The following GRK3 variants were observed in gnomAD, a reference collection of about 807,000 sequenced individuals.
GRK3 encodes the protein G protein-coupled receptor kinase 3.
A neutral mutation model predicts 95.7 loss-of-function variants in GRK3; 54 were observed. That is an observed-to-expected ratio of 0.56 (90% CI 0.45 to 0.71). GRK3 has a LOEUF of 0.71. Among genes scored for constraint, GRK3 ranks in the 30% least tolerant of loss-of-function variants. The pLI, the probability that GRK3 is intolerant of heterozygous loss-of-function variation, is 0.00. For missense variants in GRK3, 649 were observed against 851.2 expected, an observed-to-expected ratio of 0.76 and a Z score of 2.96; for synonymous variants, 281 against 290.8, an observed-to-expected ratio of 0.97 and a Z score of 0.34.
intron 17 of GRK3, among the ~76,000 whole-genome samples, chr22:25,713,100 G>T (rs917114484): frequency 6.6e-6 from 1 of 152,182 alleles, no homozygotes; most frequent in African/African-American, 2.4e-5. Context: ...AATTATAGGC[G>T]GTAGAACAGT....
intron 5 of GRK3, among the ~76,000 whole-genome samples, chr22:25,665,394 G>A (rs1348935192): frequency 6.6e-6 from 1 of 152,002 alleles, no homozygotes; most frequent in Non-Finnish European, 1.5e-5. Flanking sequence ...TAATACATGG[G>A]TTTTACAAAT....
At chr22:25,611,188 A>G (rs532052542) in intron 2 of GRK3, among the ~76,000 whole-genome samples, 1 of 152,328 alleles carries the variant, frequency 6.6e-6, no homozygotes, top group East Asian at 1.9e-4. Context: ...TTCATTCAGC[A>G]GTTGATGGGC....
At chr22:25,637,209 C>T (rs2084708626) in intron 2 of GRK3, among the ~76,000 whole-genome samples, 1 of 152,194 alleles carries the variant, frequency 6.6e-6, no homozygotes, top group Admixed American at 6.5e-5. Context: ...GACCTTTGGC[C>T]TTGGCTTGGG....
chr22:25,574,616 A>G lies in GRK3; in HGVS notation c.113+9463A>G, dbSNP rs1931825104. ...AAGGCCGTGATGGTATTTTGGAAAC[A>G]TCTTTTTTAAAAAATATGAGGTATT... is the stretch of plus-strand genomic sequence containing the variant. On this transcript the variant is annotated intron_variant, in intron 1 of 20. Coordinates refer to ENST00000324198, the MANE Select transcript of GRK3 (RefSeq NM_005160.4). Among the ~76,000 whole-genome samples, 4 of 152,346 alleles carry G rather than the reference A, an allele frequency of 2.6e-5. No individual in the cohort carries two copies. In the South Asian group the frequency reaches 8.3e-4, roughly 32 times the overall value.
intron 12 of GRK3, among the ~76,000 whole-genome samples, chr22:25,694,326 G>A (rs558188942): frequency 9.2e-5 from 14 of 152,268 alleles, no homozygotes; most frequent in Admixed American, 5.9e-4. Context: ...GTTCCCCACC[G>A]GCTGCCTCGC....
At position 25,727,095 on chromosome 22, in the gene GRK3, T is replaced by C. The variant is rs1195178478; in HGVS notation, c.*4645T>C. On this transcript the variant is annotated 3_prime_UTR_variant, in exon 21 of 21. Transcript: ENST00000324198. ...CAAGAGTAACAGGCCTCTTCTGTTC[T>C]ACCCTGCTCACTTCCACGGTGAGTT... is the stretch of plus-strand genomic sequence containing the variant. The C allele has an allele frequency of 6.6e-6, 1 of 152,158 alleles. No homozygotes were observed. Among genetic ancestry groups the C allele is most frequent in the African/African-American group, 2.4e-5 (1 of 41,422 alleles). 9.4% of individuals were successfully genotyped at this position (152,158 alleles called of 1,614,324 possible).
chr22:25,648,191 C>A, intron 3 of GRK3: 1 of 736,450 alleles, frequency 1.4e-6, no homozygotes, highest in Non-Finnish European at 2.5e-6. Context: ...CTTATTCCCT[C>A]TCTATTCGTG....
At chr22:25,719,844 T>C (rs2085417603) in intron 19 of GRK3, among the ~76,000 whole-genome samples, 2 of 152,344 alleles carry the variant, frequency 1.3e-5, no homozygotes, top group South Asian at 4.1e-4. Context: ...AAATCTCATG[T>C]ATTTGACTTT....
intron 18 of GRK3, among the ~76,000 whole-genome samples, chr22:25,716,236 C>T (rs980756364): frequency 2.0e-5 from 3 of 152,178 alleles, no homozygotes; most frequent in Non-Finnish European, 4.4e-5. Flanking sequence ...GATCCGCCTG[C>T]CTTGGCCTCC....
At chr22:25,675,344 T>A (rs970926356) in intron 8 of GRK3, among the ~76,000 whole-genome samples, 2 of 152,184 alleles carry the variant, frequency 1.3e-5, no homozygotes, top group Admixed American at 6.5e-5. Flanking sequence ...GCTCCATCAC[T>A]CACCTTGGTT....
intron 1 of GRK3, among the ~76,000 whole-genome samples, chr22:25,593,363 C>A (rs959629263): frequency 7.3e-5 from 11 of 151,654 alleles, no homozygotes; most frequent in African/African-American, 2.4e-4. Context: ...CTTTTCTTTT[C>A]TTTTCTTTCT....
At position 25,628,310 on chromosome 22, in the gene GRK3, A is replaced by G. The variant is rs546280694; in HGVS notation, c.191-16282A>G. Among the ~76,000 whole-genome samples, 8 of 151,630 alleles carry G rather than the reference A, an allele frequency of 5.3e-5. No homozygotes were observed. In the East Asian group the frequency reaches 5.8e-4, roughly 11 times the overall value. On this transcript the variant is annotated intron_variant, in intron 2 of 20. Transcript: ENST00000324198. ...GTGTGGCCATGTCTATTGAAATAACAAAGTGTCCATATGACGTTTAACTTA... is the reference window on the plus strand; with the variant it reads ...GTGTGGCCATGTCTATTGAAATAACGAAGTGTCCATATGACGTTTAACTTA...
chr22:25,712,305 A>G (rs2085350147), intron 17 of GRK3, among the ~76,000 whole-genome samples: 1 of 152,244 alleles, frequency 6.6e-6, no homozygotes, highest in African/African-American at 2.4e-5. Context: ...GGCTGGGGTC[A>G]GCATTGAGAC....
At chr22:25,664,132 T>G (rs1252372101) in intron 5 of GRK3, among the ~76,000 whole-genome samples, 1 of 152,216 alleles carries the variant, frequency 6.6e-6, no homozygotes, top group Non-Finnish European at 1.5e-5. Flanking sequence ...GAGCAAATGT[T>G]TGAGTGATCT....
intron 5 of GRK3, among the ~76,000 whole-genome samples, chr22:25,666,113 C>T (rs1002370880): frequency 1.3e-5 from 2 of 152,206 alleles, no homozygotes; most frequent in Non-Finnish European, 2.9e-5. Context: ...CTTTCATACT[C>T]CTTAGCAAGC....
At chr22:25,609,085 G>A (rs2084475063) in intron 2 of GRK3, among the ~76,000 whole-genome samples, 1 of 152,226 alleles carries the variant, frequency 6.6e-6, no homozygotes, top group African/African-American at 2.4e-5. Flanking sequence ...GACACAGTAT[G>A]TTTGGTTTTA....
At chr22:25,618,405 C>T (rs1431712829) in intron 2 of GRK3, among the ~76,000 whole-genome samples, 2 of 152,134 alleles carry the variant, frequency 1.3e-5, no homozygotes, top group African/African-American at 4.8e-5. Context: ...TTAGTCACTC[C>T]AGCTTTCTGA....
At chr22:25,571,036 G>T (rs1162850834) in intron 1 of GRK3, among the ~76,000 whole-genome samples, 2 of 152,162 alleles carry the variant, frequency 1.3e-5, no homozygotes, top group African/African-American at 4.8e-5. Flanking sequence ...TAGGTAGTTG[G>T]TAAAGGTCAG....
At chr22:25,659,920 C>A (rs1443593178) in intron 3 of GRK3, among the ~76,000 whole-genome samples, 1 of 152,134 alleles carries the variant, frequency 6.6e-6, no homozygotes, top group Non-Finnish European at 1.5e-5. Flanking sequence ...ATTTGTTTAA[C>A]CAGGTGTCAA....
Sources: allele counts gnomAD v4.1 joint callset (sites outside exome capture counted in the v4.1 genomes callset), GRCh38; gene constraint gnomAD v4.1.1; transcripts MANE v1.5; gene names NCBI Gene and HGNC (gene_info 2026-07-23, HGNC 2026-07-21).